SZT2: variants seen among roughly 807,000 people sequenced by gnomAD.
SZT2 encodes the protein KICSTOR complex protein SZT2.
Under a neutral mutation model 404.2 loss-of-function variants are expected in SZT2, and 216 were observed. That is an observed-to-expected ratio of 0.53 (90% confidence interval 0.48 to 0.60). SZT2 has a LOEUF of 0.60. Among genes scored for constraint, SZT2 ranks in the 20% least tolerant of loss-of-function variants. SZT2 has a pLI of 0.00. For missense variants in SZT2, 3,857 were observed against 4,459.2 expected (o/e 0.86, Z 3.85); for synonymous variants, 1,693 against 1,749.9 (o/e 0.97, Z 0.81).
intron 6 of SZT2, 136 bp from the exon 7 acceptor site, chr1:43,416,398 TA>T: frequency 1.4e-6 from 1 of 727,698 alleles, no homozygotes. Flanking sequence ...TTGAAGTTTA[TA>T]AAACTTCACA....
In SZT2 at chr1:43,443,228, C is replaced by T. The variant is rs1250290763; in HGVS notation, c.8460C>T (p.Thr2820=). The T allele has an allele frequency of 6.2e-7, 1 of 1,614,084 alleles. No homozygotes were observed. The highest frequency in any genetic ancestry group is 8.5e-7 in the Non-Finnish European group (1 of 1,180,032). ...RQMKMENLFV[T]WQQRSTPATM... is the part of the protein sequence containing the mutation. Reference sequence around the variant, plus strand: ...TGAAGATGGAAAACCTGTTTGTAACCTGGCAGCAGCGTTCTACCCCAGCCA... The same window carrying T: ...TGAAGATGGAAAACCTGTTTGTAACTTGGCAGCAGCGTTCTACCCCAGCCA... Residue 2820 remains threonine, a synonymous_variant, in exon 60 of 72, where the codon ACC becomes ACT. Transcript: ENST00000634258.
intron 4 of SZT2, chr1:43,410,201 T>C (rs1292263011): frequency 1.9e-4 from 29 of 152,172 alleles, no homozygotes; most frequent in Non-Finnish European, 1.9e-4. Flanking sequence ...TGGATATTCA[T>C]ATGCAGAAGA....
At chr1:43,438,012 G>C in intron 46 of SZT2, 110 bp downstream of exon 46, 1 of 1,142,364 alleles carries the variant, frequency 8.8e-7, no homozygotes, top group East Asian at 2.4e-5. Context: ...AACAGTCTCA[G>C]CCCAAGACCT....
rs768665345 is a variant in SZT2 at position 43,431,486 on chromosome 1, C to T, written c.5051C>T (p.Thr1684Met). 38 of 1,614,044 alleles carry T rather than the reference C, an allele frequency of 2.4e-5. 1 individual carries two copies. The Middle Eastern group carries it at 4.9e-4, about 21-fold the overall frequency. Residue 1684 changes from threonine to methionine, a missense_variant, in exon 35 of 72, where the codon ACG (threonine) becomes ATG (methionine). Coordinates refer to ENST00000634258, the MANE Select transcript of SZT2 (RefSeq NM_001365999.1). ...CACCCAGGACTATCCAATTTGGCCA[C>T]GCCCCACAGACTGGCTATTGAGACC... ...ERHPGLSNLA[T>M]PHRLAIETTM...
intron 28 of SZT2, chr1:43,428,733 A>T (rs1180863144): frequency 1.9e-6 from 1 of 529,232 alleles, no homozygotes. Flanking sequence ...TGAGTCAGGG[A>T]TAGGGAGTCC....
Position 43,425,402 on chromosome 1 carries a change from CCTCCTTCCCTCCATGAGGTTCA to C in SZT2, c.2646-67_2646-46del. ...GACTCGTGGCTGTCCTCTGTGCCTGCCTCCTTCCCTCCATGAGGTTCACTCCCTGCCATGAGGCTGTGCATTG... is the reference window on the plus strand; with the variant it reads ...GACTCGTGGCTGTCCTCTGTGCCTGCCTCCCTGCCATGAGGCTGTGCATTG... On this transcript the variant is annotated intron_variant, in intron 18 of 71. Transcript: ENST00000634258. This position sits in a 1 kb window ranked among gnomAD's most constrained non-coding sequence, Gnocchi z 4.3. 6.3e-7 allele frequency: 1 copy of C among 1,591,502 alleles called. No individual in the cohort carries two copies. Among genetic ancestry groups the C allele is most frequent in the Non-Finnish European group, 8.6e-7 (1 of 1,166,188 alleles).
chr1:43,451,547 G>C lies in SZT2; in HGVS notation c.*1067G>C, dbSNP rs759629895. 3.1e-6 allele frequency: 5 copies of C among 1,613,810 alleles called. No individual in the cohort carries two copies. The highest frequency in any genetic ancestry group is 2.2e-5 in the South Asian group (2 of 91,054). On this transcript the variant is annotated 3_prime_UTR_variant, in exon 72 of 72. Coordinates refer to ENST00000634258, the MANE Select transcript of SZT2 (RefSeq NM_001365999.1). ...GACCTGTGCCACCTGCACATGCCCTGGGGACAGATGTGGACAAATGTGGGG... is the reference window on the plus strand; with the variant it reads ...GACCTGTGCCACCTGCACATGCCCTCGGGACAGATGTGGACAAATGTGGGG...
At chr1:43,397,054 C>T (rs1648659671) in intron 1 of SZT2, among the ~76,000 whole-genome samples, 1 of 152,162 alleles carries the variant, frequency 6.6e-6, no homozygotes, top group African/African-American at 2.4e-5. Flanking sequence ...GATTAGTTTT[C>T]CTTGTTCATA....
chr1:43,396,530 T>C (rs1649014590), intron 1 of SZT2, among the ~76,000 whole-genome samples: 1 of 152,180 alleles, frequency 6.6e-6, no homozygotes, highest in South Asian at 2.1e-4. Flanking sequence ...GAAACAACAC[T>C]GAAGTGAATG....
intron 1 of SZT2, among the ~76,000 whole-genome samples, chr1:43,390,686 C>T (rs1648189180): frequency 6.6e-6 from 1 of 152,230 alleles, no homozygotes; most frequent in Non-Finnish European, 1.5e-5. Context: ...AGGAAGGTGG[C>T]ATTCTCACAG....
intron 4 of SZT2, chr1:43,405,554 G>T (rs1474917217): frequency 6.6e-6 from 1 of 152,116 alleles, no homozygotes; most frequent in African/African-American, 2.4e-5. Context: ...GTCCGTGATG[G>T]CTGCATTGTC....
chr1:43,401,420 CCA>C (rs1437018086), intron 1 of SZT2, among the ~76,000 whole-genome samples: 2 of 152,160 alleles, frequency 1.3e-5, no homozygotes, highest in African/African-American at 4.8e-5. Flanking sequence ...GGATTCAAAC[CCA>C]GACTTTCTGA....
intron 62 of SZT2, chr1:43,445,119 C>T (rs1003668932): frequency 2.0e-5 from 3 of 152,126 alleles, no homozygotes; most frequent in Non-Finnish European, 4.4e-5. Context: ...CTCTAAAGGA[C>T]TTTAGTTTGC....
rs528748299 is a variant in SZT2, at chr1:43,446,610, C to T, written c.9072+194C>T. ...GCACTCACTACAAGGCTGACCCCATCGGTCATCCAAAGCGTGTTCAGCTGT... is the reference window on the plus strand; with the variant it reads ...GCACTCACTACAAGGCTGACCCCATTGGTCATCCAAAGCGTGTTCAGCTGT... On this transcript the variant is annotated intron_variant, in intron 65 of 71. Transcript: ENST00000634258. 26 of 691,242 alleles carry T rather than the reference C, an allele frequency of 3.8e-5. 1 individual carries two copies. In the South Asian group the frequency reaches 4.2e-4, roughly 11 times the overall value. 42.8% of individuals were successfully genotyped at this position (691,242 alleles called of 1,614,324 possible).
chr1:43,430,270 G>C (rs748017695), intron 30 of SZT2, 41 bp from the exon 31 acceptor site: 3 of 1,602,150 alleles, frequency 1.9e-6, no homozygotes, highest in Non-Finnish European at 2.6e-6. Flanking sequence ...TGAGGCAAGT[G>C]GGATTCTTGC....
chr1:43,424,857 A>T lies in SZT2; in HGVS notation c.2545A>T (p.Ile849Phe). Residue 849 changes from isoleucine (I) to phenylalanine (F), a missense_variant, in exon 17 of 72, where the codon ATT becomes TTT. Ile to Phe is a conservative substitution (Grantham distance 21, BLOSUM62 0). Coordinates refer to ENST00000634258, the MANE Select transcript of SZT2 (RefSeq NM_001365999.1). The surrounding 1 kb of genome is among the most constrained non-coding windows in gnomAD (Gnocchi z 4.1). ...CATCAACATGGTTCTGGAGCTTCCAATTCAGGTACGTGCCATCCCCCATGA... is the reference window on the plus strand; with the variant it reads ...CATCAACATGGTTCTGGAGCTTCCATTTCAGGTACGTGCCATCCCCCATGA... ...GIINMVLELP[I>F]QNEPPGQAAA... is the part of the protein sequence containing the mutation. 1 of 1,613,980 alleles carries T rather than the reference A, an allele frequency of 6.2e-7. No individual in the cohort carries two copies.
At chr1:43,398,575 A>G (rs1649280360) in intron 1 of SZT2, among the ~76,000 whole-genome samples, 1 of 152,168 alleles carries the variant, frequency 6.6e-6, no homozygotes, top group Non-Finnish European at 1.5e-5. Context: ...GTCAAACCTG[A>G]AGGAGAGGTT....
intron 11 of SZT2, 64 bp from the exon 12 acceptor site, chr1:43,422,019 T>C: frequency 6.6e-7 from 1 of 1,525,560 alleles, no homozygotes; most frequent in Non-Finnish European, 8.8e-7. Flanking sequence ...TTTTGTTTGC[T>C]CTTTGGAGTT....
intron 1 of SZT2, among the ~76,000 whole-genome samples, chr1:43,392,400 A>G (rs1333695262): frequency 6.6e-6 from 1 of 151,556 alleles, no homozygotes; most frequent in African/African-American, 2.4e-5. Flanking sequence ...TGGGAGTCTC[A>G]GCCAAAAGTT....
Sources: gnomAD v4.1 joint callset for allele counts (sites outside exome capture counted in the v4.1 genomes callset) on GRCh38, gnomAD v4.1.1 for gene constraint, Gnocchi (gnomAD v3.1) non-coding constraint, MANE v1.5 for transcripts, NCBI Gene and HGNC (gene_info 2026-07-23, HGNC 2026-07-21) for gene names.